Variants in SSH1 observed in about 807,000 individuals in gnomAD.
The protein encoded by SSH1 is protein phosphatase Slingshot homolog 1.
Under a neutral mutation model 79.7 loss-of-function variants are expected in SSH1, and 43 were observed. That is an observed-to-expected ratio of 0.54 (90% CI 0.42 to 0.70). The LOEUF is 0.70. Ranked by LOEUF, SSH1 falls within the 30% of genes least tolerant of loss-of-function variation. SSH1 has a pLI of 0.00. For synonymous variants in SSH1, 599 were observed against 538.3 expected (o/e 1.11, Z -1.56); for missense variants, 1,206 against 1,358.8 (o/e 0.89, Z 1.77).
chr12:108,817,221 T>A, intron 4 of SSH1, 62 bp from the exon 5 acceptor site: 2 of 1,603,702 alleles, frequency 1.2e-6, no homozygotes, highest in South Asian at 2.2e-5. Flanking sequence ...CCCTCCCATC[T>A]CCAATGCAAG....
rs372324796 is a variant in SSH1 at position 108,799,050 on chromosome 12, G to A, written c.1299C>T (p.Asn433=). 30 of 1,614,098 alleles carry A rather than the reference G, an allele frequency of 1.9e-5. No individual in the cohort carries two copies. In the African/African-American group the frequency reaches 2.3e-4, roughly 12 times the overall value. ...VKQKRSITRP[N]AGFMRQLSEY... is the part of the protein sequence containing the mutation. ...CAGACAGCTGCCTCATAAAGCCCGC[G>A]TTGGGGCGCGTGATGCTGCGCTTCT... The change falls in exon 13 of 15, where the codon AAC becomes AAT. Residue 433 remains asparagine (N), a synonymous_variant. Coordinates refer to ENST00000326495, the MANE Select transcript of SSH1 (RefSeq NM_018984.4).
In SSH1 at chr12:108,786,959, C is replaced by T. The variant is rs979378286; in HGVS notation, c.*1029G>A. 6 of 152,274 alleles carry T rather than the reference C, an allele frequency of 3.9e-5. No homozygotes were observed. Among genetic ancestry groups the T allele is most frequent in the African/African-American group, 1.4e-4 (6 of 41,458 alleles). 9.4% of individuals were successfully genotyped at this position (152,274 alleles called of 1,614,324 possible). A position where few individuals can be genotyped will look rare whatever the true frequency, so the allele number is the denominator to read the frequency against. ...CTGGAGGGAAACAGGAAGCAGTAAT[C>T]TCACTGCAGGAAGGGGCAACTGTAG... On this transcript the variant is annotated 3_prime_UTR_variant, in exon 15 of 15. Transcript: ENST00000326495.
intron 2 of SSH1, 68 bp from the exon 3 acceptor site, chr12:108,823,429 G>T: frequency 7.5e-7 from 1 of 1,331,264 alleles, no homozygotes. Context: ...AAGAATTACT[G>T]CAGGGGAAAA....
intron 13 of SSH1, among the ~76,000 whole-genome samples, chr12:108,795,054 C>T (rs1042974647): frequency 6.6e-6 from 1 of 152,270 alleles, no homozygotes; most frequent in South Asian, 2.1e-4. Context: ...GTGCATTTCT[C>T]GATATCCCAT....
intron 13 of SSH1, among the ~76,000 whole-genome samples, chr12:108,798,729 G>T (rs1195009463): frequency 6.6e-6 from 1 of 152,242 alleles, no homozygotes; most frequent in Non-Finnish European, 1.5e-5. Context: ...CCTTGGCTTA[G>T]AACCTAGGCA....
intron 4 of SSH1, among the ~76,000 whole-genome samples, chr12:108,817,854 T>G (rs1186708749): frequency 1.3e-5 from 2 of 152,070 alleles, no homozygotes; most frequent in Admixed American, 1.3e-4. Context: ...ACCTAAAAGC[T>G]TTTCCCCTTA....
At position 108,785,323 on chromosome 12, in the gene SSH1, T is replaced by C. The variant is rs1057398760; in HGVS notation, c.*2665A>G. 5 of 152,228 alleles carry C rather than the reference T, an allele frequency of 3.3e-5. No homozygotes were observed. The highest frequency in any genetic ancestry group is 4.8e-5 in the African/African-American group (2 of 41,440). The allele number at this position is 152,228 out of a possible 1,614,324, so 9.4% of individuals were successfully genotyped here. ...TTTTAGTAGAGACGGGGTTTCACCATGTTGGCCAGGCTGGTCTAGAACTCC... is the reference window on the plus strand; with the variant it reads ...TTTTAGTAGAGACGGGGTTTCACCACGTTGGCCAGGCTGGTCTAGAACTCC... On this transcript the variant is annotated 3_prime_UTR_variant, in exon 15 of 15. Transcript: ENST00000326495.
In SSH1 at chr12:108,805,137, G is replaced by A; in HGVS notation, c.873C>T (p.Leu291=). ...EKQMNCNLKE[L]KEFIDNEMLL... ...GCATCTCATTGTCTATAAATTCCTT[G>A]AGTTCCTTCAAGTTACAATTCATCT... Residue 291 remains leucine, a synonymous_variant, in exon 10 of 15, where the codon CTC becomes CTT. Coordinates refer to ENST00000326495, the MANE Select transcript of SSH1 (RefSeq NM_018984.4). 1 of 1,613,718 alleles carries A rather than the reference G, an allele frequency of 6.2e-7. No individual in the cohort carries two copies. The highest frequency in any genetic ancestry group is 8.5e-7 in the Non-Finnish European group (1 of 1,179,666).
In SSH1 at chr12:108,800,803, C is replaced by A; in HGVS notation, c.1125G>T (p.Ala375=). 1.2e-6 allele frequency: 2 copies of A among 1,614,120 alleles called. No homozygotes were observed. The highest frequency in any genetic ancestry group is 2.7e-5 in the African/African-American group (2 of 75,034). The change falls in exon 12 of 15, where the codon GCG becomes GCT. Residue 375 remains alanine, a synonymous_variant. Coordinates refer to ENST00000326495, the MANE Select transcript of SSH1 (RefSeq NM_018984.4). The part of the protein sequence containing the change: ...TTDLLAHWNE[A]YHFINKAKRN... ...ACTTCGCTTTGTTTATAAAATGATA[C>A]GCTTCATTCCAGTGGGCGAGGAGGT...
At chr12:108,834,036 T>G (rs2038537234) in intron 2 of SSH1, 1 of 152,242 alleles carries the variant, frequency 6.6e-6, no homozygotes, top group African/African-American at 2.4e-5. Flanking sequence ...GTGCTAACTC[T>G]CTATGGGTTG....
chr12:108,855,077 T>C (rs1262440959), intron 1 of SSH1, among the ~76,000 whole-genome samples: 1 of 152,146 alleles, frequency 6.6e-6, no homozygotes, highest in Non-Finnish European at 1.5e-5. Context: ...ATATAATAAT[T>C]GAAAATGTAT....
Position 108,788,065 on chromosome 12 carries a change from G to C in SSH1, c.3073C>G (p.Pro1025Ala), listed in dbSNP as rs373095155. The change falls in exon 15 of 15, where the codon CCA becomes GCA. Residue 1025 changes from proline (P) to alanine (A), a missense_variant. Physicochemically the swap from Pro to Ala is conservative, Grantham distance 27. Around this residue, in one of 5 missense-constraint regions of SSH1, gnomAD observed 709 missense variants for 730.6 expected, o/e 0.97. Coordinates refer to ENST00000326495, the MANE Select transcript of SSH1 (RefSeq NM_018984.4). The part of the protein sequence containing the change: ...LHEPQGTPRD[P>A]AATSKPSGKP... ...CCTGATGGTTTGGAGGTTGCAGCTGGGTCCCTCGGGGTTCCCTGGGGCTCA... is the reference window on the plus strand; with the variant it reads ...CCTGATGGTTTGGAGGTTGCAGCTGCGTCCCTCGGGGTTCCCTGGGGCTCA... The C allele has an allele frequency of 2.5e-6, 4 of 1,613,954 alleles. No homozygotes were observed. The African/African-American group carries it at 5.3e-5, about 22-fold the overall frequency.
rs536646442 is a variant in SSH1 at position 108,814,925 on chromosome 12, C to T, written c.401+2113G>A. On this transcript the variant is annotated intron_variant, in intron 5 of 14. Transcript: ENST00000326495. ...AGCCAGGCAGCAGCGGAGTGGGATG[C>T]GCATGTGGGCATCTAAGGCATGCCC... is the stretch of plus-strand genomic sequence containing the variant. Among the ~76,000 whole-genome samples the T allele has an allele frequency of 1.5e-4, 23 of 152,324 alleles. No homozygotes were observed. The South Asian group carries it at 3.1e-3, about 21-fold the overall frequency.
intron 2 of SSH1, among the ~76,000 whole-genome samples, chr12:108,830,076 C>T (rs1014912065): frequency 6.6e-6 from 1 of 152,186 alleles, no homozygotes; most frequent in African/African-American, 2.4e-5. Flanking sequence ...CACTGCACTC[C>T]AACCTGGGAG....
At chr12:108,791,987 C>A in intron 14 of SSH1, 1 of 1,321,742 alleles carries the variant, frequency 7.6e-7, no homozygotes, top group East Asian at 2.8e-5. Flanking sequence ...GGAAGCCCTG[C>A]CCAGGGTATG....
At chr12:108,834,929 T>C (rs899028506) in intron 2 of SSH1, among the ~76,000 whole-genome samples, 15 of 152,178 alleles carry the variant, frequency 9.9e-5, no homozygotes, top group African/African-American at 3.4e-4. Context: ...GTCATCTCTG[T>C]GCCCTGGGCA....
At chr12:108,793,704 C>T (rs1017836275) in intron 13 of SSH1, among the ~76,000 whole-genome samples, 4 of 152,170 alleles carry the variant, frequency 2.6e-5, no homozygotes, top group Non-Finnish European at 4.4e-5. Flanking sequence ...CCCTGTAATA[C>T]ATTTTTAAAA....
At chr12:108,815,026 C>T (rs930615248) in intron 5 of SSH1, among the ~76,000 whole-genome samples, 1 of 152,196 alleles carries the variant, frequency 6.6e-6, no homozygotes, top group Non-Finnish European at 1.5e-5. Context: ...CAGCACCTGG[C>T]GGGGCGCCCG....
intron 10 of SSH1, among the ~76,000 whole-genome samples, chr12:108,803,343 T>C (rs1389909153): frequency 1.3e-5 from 2 of 149,616 alleles, no homozygotes; most frequent in East Asian, 3.9e-4. Flanking sequence ...CTCCCAAGCA[T>C]TCAAAGGACA....
Sources: gnomAD v4.1 joint callset for allele counts (sites outside exome capture counted in the v4.1 genomes callset) on GRCh38, gnomAD v4.1.1 for gene constraint, gnomAD v4.1.1 regional missense constraint, MANE v1.5 for transcripts, NCBI Gene and HGNC (gene_info 2026-07-23, HGNC 2026-07-21) for gene names.